The following SYN3 variants were observed in gnomAD, a reference collection of about 807,000 sequenced individuals.
SYN3 encodes synapsin-3.
In SYN3, 35 loss-of-function variants were observed where a neutral mutation model predicts 65.8. The ratio of observed to expected loss-of-function variants is 0.53; its 90% CI spans 0.41 to 0.70. The LOEUF (loss-of-function observed/expected upper bound fraction) is 0.70, where lower values mean the gene tolerates loss of function less well. Among genes scored for constraint, SYN3 ranks in the 30% least tolerant of loss-of-function variants. SYN3 has a pLI of 0.00. For missense variants in SYN3, 680 were observed against 749.0 expected, an observed-to-expected ratio of 0.91 and a Z score of 1.08; for synonymous variants, 270 against 292.9, an observed-to-expected ratio of 0.92 and a Z score of 0.80.
rs575081975 is a variant in SYN3 at position 32,706,751 on chromosome 22, G to A, written c.712-110015C>T. ...GGTGCTGAGGCACCCTTTGCTCCCTGACCAGTCTCTTTCATATGTACCCCA... is the reference window on the plus strand; with the variant it reads ...GGTGCTGAGGCACCCTTTGCTCCCTAACCAGTCTCTTTCATATGTACCCCA... On this transcript the variant is annotated intron_variant, in intron 6 of 13. Transcript: ENST00000358763. 2.0e-5 allele frequency among the ~76,000 whole-genome samples: 3 copies of A among 152,374 alleles called. No individual in the cohort carries two copies. The East Asian group carries it at 5.8e-4, about 29-fold the overall frequency.
chr22:32,857,214 G>A, intron 6 of SYN3: 1 of 1,550,774 alleles, frequency 6.4e-7, no homozygotes, highest in South Asian at 1.1e-5. Flanking sequence ...TCCAAACTGG[G>A]AAAGAAGAAG....
chr22:32,643,411 T>G (rs1220771156), intron 6 of SYN3, among the ~76,000 whole-genome samples: 2 of 152,026 alleles, frequency 1.3e-5, no homozygotes, highest in Non-Finnish European at 2.9e-5. Context: ...ATGTGAAGGA[T>G]GTTTATCTTC....
intron 4 of SYN3, among the ~76,000 whole-genome samples, chr22:32,921,717 T>C (rs1183983975): frequency 1.3e-5 from 2 of 152,216 alleles, no homozygotes; most frequent in African/African-American, 2.4e-5. Context: ...ATAATTATTA[T>C]TACACACTTA....
chr22:32,531,790 G>A (rs1203900138), intron 10 of SYN3, among the ~76,000 whole-genome samples: 1 of 106,652 alleles, frequency 9.4e-6, no homozygotes, highest in African/African-American at 3.7e-5. Context: ...AAACAACTCT[G>A]CAATGTTTCT....
chr22:33,022,357 G>A (rs113082785), intron 1 of SYN3, among the ~76,000 whole-genome samples: 1 of 152,234 alleles, frequency 6.6e-6, no homozygotes, highest in African/African-American at 2.4e-5. Context: ...TGTCACTCCA[G>A]CTGCAAAGCT....
intron 6 of SYN3, among the ~76,000 whole-genome samples, chr22:32,718,174 A>T (rs2061064566): frequency 6.6e-6 from 1 of 152,126 alleles, no homozygotes; most frequent in African/African-American, 2.4e-5. Context: ...GCGAGTAGGC[A>T]GTTACTATGG....
chr22:32,967,818 G>T (rs2051892001), intron 3 of SYN3, among the ~76,000 whole-genome samples: 1 of 152,230 alleles, frequency 6.6e-6, no homozygotes, highest in Admixed American at 6.5e-5. Context: ...GAGCCCAGTG[G>T]GGGCTCCTCT....
chr22:32,989,704 A>C (rs2052636458), intron 2 of SYN3, among the ~76,000 whole-genome samples: 1 of 148,680 alleles, frequency 6.7e-6, no homozygotes, highest in Admixed American at 6.7e-5. Context: ...GCATGGTGGC[A>C]TGCGCCTGTA....
At chr22:32,821,075 C>CGGT (rs923445278) in intron 6 of SYN3, among the ~76,000 whole-genome samples, 1 of 152,002 alleles carries the variant, frequency 6.6e-6, no homozygotes, top group African/African-American at 2.4e-5. Context: ...GAATACCCAC[C>CGGT]GGTGCAATCT....
At chr22:32,920,970 T>C (rs2050321353) in intron 4 of SYN3, among the ~76,000 whole-genome samples, 1 of 152,170 alleles carries the variant, frequency 6.6e-6, no homozygotes, top group Non-Finnish European at 1.5e-5. Context: ...CAAGTCTAGA[T>C]TAAACCTACT....
intron 1 of SYN3, among the ~76,000 whole-genome samples, chr22:33,025,279 C>A (rs990977378): frequency 2.0e-5 from 3 of 151,618 alleles, no homozygotes; most frequent in African/African-American, 7.3e-5. Flanking sequence ...TATGGTAAAA[C>A]CCCGTCTCTA....
chr22:32,993,917 T>A (rs73881927), intron 2 of SYN3, among the ~76,000 whole-genome samples: 2,055 of 152,134 alleles, frequency 0.014, 48 homozygotes, highest in African/African-American at 0.047. Flanking sequence ...CTCCCCACAC[T>A]CTCTTCTGCT....
At chr22:32,933,385 C>T (rs1158095924) in intron 3 of SYN3, among the ~76,000 whole-genome samples, 2 of 152,104 alleles carry the variant, frequency 1.3e-5, no homozygotes, top group Non-Finnish European at 2.9e-5. Flanking sequence ...GGTAGCAGAG[C>T]TGGTATTCAA....
intron 1 of SYN3, among the ~76,000 whole-genome samples, chr22:33,040,790 A>C (rs1270969702): frequency 6.6e-6 from 1 of 152,070 alleles, no homozygotes; most frequent in Non-Finnish European, 1.5e-5. Flanking sequence ...CTTCTCCTTC[A>C]TGCTGCCTTG....
intron 6 of SYN3, among the ~76,000 whole-genome samples, chr22:32,725,939 G>A (rs902878264): frequency 1.3e-5 from 2 of 152,132 alleles, no homozygotes; most frequent in East Asian, 1.9e-4. Context: ...CCCAAAATAC[G>A]TAAAAGCTCC....
chr22:32,869,588 G>T (rs1260699361), intron 4 of SYN3, among the ~76,000 whole-genome samples: 1 of 151,234 alleles, frequency 6.6e-6, no homozygotes, highest in Non-Finnish European at 1.5e-5. Flanking sequence ...TAAGTCACTT[G>T]TTCAAAAAGA....
At chr22:32,665,785 C>T (rs2060282151) in intron 6 of SYN3, among the ~76,000 whole-genome samples, 1 of 152,068 alleles carries the variant, frequency 6.6e-6, no homozygotes, top group Non-Finnish European at 1.5e-5. Flanking sequence ...CTTTTTCTGT[C>T]CATACTCATT....
At chr22:32,813,518 CACACACACA>C (rs2046971137) in intron 6 of SYN3, among the ~76,000 whole-genome samples, 2 of 150,168 alleles carry the variant, frequency 1.3e-5, no homozygotes, top group South Asian at 4.2e-4. Context: ...CACACACACA[CACACACACA>C]CACACACACG....
At chr22:32,608,136 C>G (rs1045532601) in intron 6 of SYN3, among the ~76,000 whole-genome samples, 49 of 151,838 alleles carry the variant, frequency 3.2e-4, no homozygotes, top group Non-Finnish European at 1.5e-4. Flanking sequence ...GGTGTGATCT[C>G]GGCTCACTGC....
Sources: allele counts gnomAD v4.1 joint callset (sites outside exome capture counted in the v4.1 genomes callset), GRCh38; gene constraint gnomAD v4.1.1; transcripts MANE v1.5; gene names NCBI Gene and HGNC (gene_info 2026-07-23, HGNC 2026-07-21).